Variants in MCTP2 observed in about 807,000 individuals in gnomAD.
MCTP2 encodes multiple C2 and transmembrane domain-containing protein 2.
Under a neutral mutation model 111.6 loss-of-function variants are expected in MCTP2, and 132 were observed. The ratio of observed to expected loss-of-function variants is 1.18; its 90% CI spans 1.03 to 1.37. The LOEUF is 1.37. MCTP2 is among the 40% of genes most tolerant of loss of function. The pLI is 0.00. For missense variants in MCTP2, 1,183 were observed against 1,067.9 expected (o/e 1.11, Z -1.50); for synonymous variants, 395 against 387.7 (o/e 1.02, Z -0.22).
At chr15:94,435,822 G>A (rs1430433330) in intron 17 of MCTP2, among the ~76,000 whole-genome samples, 4 of 148,942 alleles carry the variant, frequency 2.7e-5, no homozygotes, top group Non-Finnish European at 4.5e-5. Context: ...TAGTAGAGAC[G>A]GGGTTTCACC....
intron 1 of MCTP2, among the ~76,000 whole-genome samples, chr15:94,255,285 T>C (rs1455760): frequency 0.43 from 64,592 of 151,962 alleles, 14,057 homozygotes; most frequent in Middle Eastern, 0.57. Flanking sequence ...AGACCTAATA[T>C]AGAAAGAGTT....
intron 20 of MCTP2, among the ~76,000 whole-genome samples, chr15:94,461,329 A>G (rs2085193090): frequency 6.6e-6 from 1 of 151,934 alleles, no homozygotes; most frequent in South Asian, 2.1e-4. Context: ...GCATGGTGGC[A>G]CATGCCTGTA....
chr15:94,298,273 T>G lies in MCTP2; in HGVS notation c.8T>G (p.Leu3Arg). Reference sequence around the variant, plus strand: ...TTGGGTCTTCATGCAGCCATGGATCTGGATAAACCATCTGTTTGGGGCTCA... The same window carrying G: ...TTGGGTCTTCATGCAGCCATGGATCGGGATAAACCATCTGTTTGGGGCTCA... MDLDKPSVWGSLK... is the reference protein window; with the variant it reads MDRDKPSVWGSLK... The change falls in exon 2 of 23, where the codon CTG becomes CGG. Residue 3 changes from leucine (L) to arginine (R), a missense_variant. By Grantham distance (102) the Leu-to-Arg change is moderately radical. Transcript: ENST00000357742. The G allele has an allele frequency of 6.2e-7, 1 of 1,608,660 alleles. No individual in the cohort carries two copies. The highest frequency in any genetic ancestry group is 8.5e-7 in the Non-Finnish European group (1 of 1,177,418).
At chr15:94,390,781 G>A (rs1241524411) in intron 14 of MCTP2, among the ~76,000 whole-genome samples, 1 of 142,360 alleles carries the variant, frequency 7.0e-6, no homozygotes, top group Non-Finnish European at 1.5e-5. Context: ...CTGGGCTGGA[G>A]TGCAGTGGCT....
chr15:94,356,086 C>A, intron 8 of MCTP2, 51 bp from the exon 9 acceptor site: 1 of 1,406,720 alleles, frequency 7.1e-7, no homozygotes, highest in South Asian at 2.0e-5. Context: ...ATCAAAGTCA[C>A]TCTCAGGAAT....
chr15:94,464,829 G>A (rs1008264115), intron 20 of MCTP2, among the ~76,000 whole-genome samples: 7 of 151,826 alleles, frequency 4.6e-5, no homozygotes, highest in East Asian at 1.9e-4. Flanking sequence ...TTATCTTTTC[G>A]TTTCTGATTT....
At chr15:94,414,991 T>C (rs1004538729) in intron 17 of MCTP2, among the ~76,000 whole-genome samples, 4 of 152,160 alleles carry the variant, frequency 2.6e-5, no homozygotes, top group Non-Finnish European at 5.9e-5. Context: ...TTGACTGCAG[T>C]CCAGCCTGAG....
chr15:94,359,880 G>C (rs1340994903), intron 10 of MCTP2, among the ~76,000 whole-genome samples: 1 of 152,250 alleles, frequency 6.6e-6, no homozygotes, highest in African/African-American at 2.4e-5. Context: ...TCCTGAGATA[G>C]ATGCGTGAGG....
rs566939698 is a variant in MCTP2, at chr15:94,299,614, C to G, written c.465+884C>G. 3.1e-3 allele frequency among the ~76,000 whole-genome samples: 475 copies of G among 152,300 alleles called. 2 individuals carry two copies. Among genetic ancestry groups the G allele is most frequent in the African/African-American group, 0.011 (448 of 41,564 alleles). The stretch of plus-strand genomic sequence containing the variant: ...AAATTCAGTCCCCAGGTTACCAAAT[C>G]ATGATTTAAGTGACTGATGTAATTA... On this transcript the variant is annotated intron_variant, in intron 2 of 22. Transcript: ENST00000357742.
chr15:94,244,802 ATATACG>A (rs2071635557), intron 1 of MCTP2, among the ~76,000 whole-genome samples: 1 of 148,050 alleles, frequency 6.8e-6, no homozygotes, highest in Non-Finnish European at 1.5e-5. Context: ...ACGTATGTTT[ATATACG>A]TATATGTATA....
chr15:94,476,696 G>T lies in MCTP2; in HGVS notation c.2471G>T (p.Gly824Val). ...IPLRYIILIW[G>V]INKFTKKLRN... ...GATCTCCTGTGTTTCTATTTTTCAG[G>T]CATAAATAAATTTACTAAGAAGCTT... Residue 824 changes from glycine to valine, a missense_variant and splice_region_variant, in exon 22 of 23, where the codon GGC (glycine) becomes GTC (valine). Gly to Val is a moderately radical substitution (Grantham distance 109, BLOSUM62 -3). Transcript: ENST00000357742. The T allele has an allele frequency of 6.6e-7, 1 of 1,516,038 alleles. No individual in the cohort carries two copies. The highest frequency in any genetic ancestry group is 9.2e-7 in the Non-Finnish European group (1 of 1,091,902). The allele number at this position is 1,516,038 out of a possible 1,614,324, so 93.9% of individuals were successfully genotyped here.
In MCTP2 at chr15:94,476,808, G is replaced by C. The variant is rs1463153873; in HGVS notation, c.2568+15G>C. The C allele has an allele frequency of 6.9e-7, 1 of 1,439,490 alleles. No homozygotes were observed. The highest frequency in any genetic ancestry group is 1.4e-5 in the African/African-American group (1 of 71,196). The allele number at this position is 1,439,490 out of a possible 1,614,324, so 89.2% of individuals were successfully genotyped here. On this transcript the variant is annotated intron_variant, in intron 22 of 22. Coordinates refer to ENST00000357742, the MANE Select transcript of MCTP2 (RefSeq NM_001385001.1). The stretch of plus-strand genomic sequence containing the variant: ...ATGTTCAAAAGGTATGTAATGAATG[G>C]TTACCACCAACAGTGGCCCCAACCT...
chr15:94,427,334 C>A (rs914879016), intron 17 of MCTP2, among the ~76,000 whole-genome samples: 1 of 152,076 alleles, frequency 6.6e-6, no homozygotes, highest in Non-Finnish European at 1.5e-5. Context: ...TGAAGACATA[C>A]CTGAGACTCA....
At chr15:94,358,695 T>C in intron 10 of MCTP2, 83 bp downstream of exon 10, 1 of 1,513,794 alleles carries the variant, frequency 6.6e-7, no homozygotes, top group Non-Finnish European at 9.0e-7. Context: ...CTGTTAGGGC[T>C]GAGGGCACTA....
At chr15:94,465,558 A>T (rs1215555975) in intron 20 of MCTP2, among the ~76,000 whole-genome samples, 2 of 152,190 alleles carry the variant, frequency 1.3e-5, no homozygotes, top group Admixed American at 6.5e-5. Context: ...CAAACTGCAG[A>T]TAAGGGGTGA....
At chr15:94,285,775 T>G (rs1197481453) in intron 1 of MCTP2, among the ~76,000 whole-genome samples, 1 of 152,158 alleles carries the variant, frequency 6.6e-6, no homozygotes, top group Non-Finnish European at 1.5e-5. Context: ...AGTTCTAGGG[T>G]CTTTTCAAAT....
At chr15:94,349,836 A>AAT (rs10657328) in intron 8 of MCTP2, among the ~76,000 whole-genome samples, 1 of 151,576 alleles carries the variant, frequency 6.6e-6, no homozygotes, top group Non-Finnish European at 1.5e-5. Context: ...AAAAAAAAAA[A>AAT]GACTGGAATG....
intron 19 of MCTP2, among the ~76,000 whole-genome samples, chr15:94,457,521 A>C (rs1261079108): frequency 6.6e-6 from 1 of 152,188 alleles, no homozygotes; most frequent in Non-Finnish European, 1.5e-5. Context: ...GGAAGGGAAT[A>C]ATCTGGGTAG....
intron 1 of MCTP2, among the ~76,000 whole-genome samples, chr15:94,287,211 C>A (rs1245028263): frequency 1.3e-5 from 2 of 150,120 alleles, no homozygotes; most frequent in Non-Finnish European, 3.0e-5. Context: ...ACAAAAGAGA[C>A]CAAGCGTACA....
Sources: allele counts gnomAD v4.1 joint callset (sites outside exome capture counted in the v4.1 genomes callset), GRCh38; gene constraint gnomAD v4.1.1; transcripts MANE v1.5; gene names NCBI Gene and HGNC (gene_info 2026-07-23, HGNC 2026-07-21).